POC1B: variants seen among roughly 807,000 people sequenced by gnomAD.
POC1B encodes POC1 centriolar protein homolog B.
Under a neutral mutation model 60.6 loss-of-function variants are expected in POC1B, and 44 were observed. The observed-to-expected ratio is 0.73, with a 90% CI of 0.57 to 0.93. The LOEUF (loss-of-function observed/expected upper bound fraction) is 0.93. Ranked by LOEUF, POC1B falls within the 40% of genes least tolerant of loss-of-function variation. POC1B has a pLI of 0.00. For synonymous variants in POC1B, 180 were observed against 198.9 expected, an observed-to-expected ratio of 0.90 and a Z score of 0.80; for missense variants, 555 against 572.3, an observed-to-expected ratio of 0.97 and a Z score of 0.31.
chr12:89,410,694 G>C, the POC1B span, among the ~76,000 whole-genome samples: 1 of 147,456 alleles, frequency 6.8e-6, no homozygotes, highest in Non-Finnish European at 1.5e-5. Flanking sequence ...AAAAAAAAAG[G>C]AAAAAGAAAA....
At chr12:89,508,607 GA>G (rs1456885049) in intron 2 of POC1B, among the ~76,000 whole-genome samples, 3 of 152,042 alleles carry the variant, frequency 2.0e-5, no homozygotes, top group African/African-American at 7.3e-5. Flanking sequence ...TTTCCCTTTG[GA>G]ATTAATTAGT....
intron 3 of POC1B, among the ~76,000 whole-genome samples, chr12:89,494,432 G>C (rs1869140682): frequency 6.6e-6 from 1 of 151,924 alleles, no homozygotes; most frequent in Admixed American, 6.6e-5. Flanking sequence ...TCTCATCCCT[G>C]TACATGCATG....
intron 4 of POC1B, among the ~76,000 whole-genome samples, chr12:89,475,587 G>C (rs1883071371): frequency 6.6e-6 from 1 of 152,050 alleles, no homozygotes; most frequent in Non-Finnish European, 1.5e-5. Context: ...GCTTCTCTTT[G>C]CCTTGACTTT....
the POC1B span, among the ~76,000 whole-genome samples, chr12:89,405,141 T>C: frequency 6.6e-6 from 1 of 152,188 alleles, no homozygotes; most frequent in Non-Finnish European, 1.5e-5. Context: ...AACGCAAGGA[T>C]TGTCAGAACC....
At chr12:89,444,299 CG>C (rs1881666561) in intron 10 of POC1B, among the ~76,000 whole-genome samples, 1 of 151,950 alleles carries the variant, frequency 6.6e-6, no homozygotes, top group East Asian at 1.9e-4. Flanking sequence ...AGAGACACAA[CG>C]AAAAAAGAAT....
intron 4 of POC1B, among the ~76,000 whole-genome samples, chr12:89,479,327 C>T (rs543259251): frequency 2.6e-5 from 4 of 152,088 alleles, no homozygotes; most frequent in East Asian, 1.9e-4. Flanking sequence ...TTGGAAAAAT[C>T]GGTTATTTCT....
At chr12:89,446,159 C>A (rs1881777112) in intron 10 of POC1B, among the ~76,000 whole-genome samples, 1 of 152,118 alleles carries the variant, frequency 6.6e-6, no homozygotes, top group Non-Finnish European at 1.5e-5. Flanking sequence ...GTTGGTGGGA[C>A]TGTAAACTAG....
chr12:89,524,669 C>T (rs1871260032), intron 2 of POC1B: 2 of 1,077,116 alleles, frequency 1.9e-6, no homozygotes, highest in African/African-American at 1.6e-5. Context: ...CATGCAGGCG[C>T]TAGGCTCCTT....
At chr12:89,433,148 C>G (rs1432092648) in intron 10 of POC1B, among the ~76,000 whole-genome samples, 5 of 152,146 alleles carry the variant, frequency 3.3e-5, no homozygotes, top group Non-Finnish European at 7.4e-5. Context: ...GAAATAAAGA[C>G]AGTGAATCTA....
At chr12:89,523,438 G>A (rs1393716465) in intron 2 of POC1B, 8 of 1,613,966 alleles carry the variant, frequency 5.0e-6, no homozygotes, top group African/African-American at 1.3e-5. Flanking sequence ...ATTGGGGCGA[G>A]CATATGGTGC....
intron 2 of POC1B, among the ~76,000 whole-genome samples, chr12:89,498,548 T>C (rs1869375725): frequency 6.6e-6 from 1 of 152,222 alleles, no homozygotes; most frequent in East Asian, 1.9e-4. Flanking sequence ...GAAACCTATG[T>C]TCTTTTGCCA....
intron 2 of POC1B, among the ~76,000 whole-genome samples, chr12:89,513,500 A>C (rs1015304616): frequency 1.3e-5 from 2 of 152,238 alleles, no homozygotes; most frequent in African/African-American, 4.8e-5. Context: ...TTTCAACAGA[A>C]ACTTCTAAAG....
intron 2 of POC1B, among the ~76,000 whole-genome samples, chr12:89,518,095 T>G (rs1399046441): frequency 2.0e-5 from 3 of 152,084 alleles, no homozygotes; most frequent in African/African-American, 4.8e-5. Context: ...CCTTTTTTTT[T>G]TTTTTTAAAC....
intron 2 of POC1B, among the ~76,000 whole-genome samples, chr12:89,516,775 C>G (rs533440683): frequency 6.6e-6 from 1 of 152,184 alleles, no homozygotes; most frequent in East Asian, 1.9e-4. Context: ...GGGGATATCT[C>G]ATTCCCCACC....
chr12:89,434,760 T>C (rs1881181580), intron 10 of POC1B, among the ~76,000 whole-genome samples: 1 of 152,248 alleles, frequency 6.6e-6, no homozygotes, highest in South Asian at 2.1e-4. Flanking sequence ...ATCCTCATTA[T>C]CTGTTCCATA....
chr12:89,490,764 A>T (rs1294402740), intron 4 of POC1B, among the ~76,000 whole-genome samples: 1 of 152,142 alleles, frequency 6.6e-6, no homozygotes, highest in Non-Finnish European at 1.5e-5. Flanking sequence ...AATAGCATTC[A>T]CCTGCCAAGA....
chr12:89,510,154 C>G (rs1470943115), intron 2 of POC1B, among the ~76,000 whole-genome samples: 1 of 152,090 alleles, frequency 6.6e-6, no homozygotes, highest in Non-Finnish European at 1.5e-5. Context: ...CAGCCTGTTT[C>G]GTTTTTTTAA....
chr12:89,489,072 C>T (rs1168441502), intron 4 of POC1B, among the ~76,000 whole-genome samples: 2 of 152,118 alleles, frequency 1.3e-5, no homozygotes, highest in Admixed American at 1.3e-4. Flanking sequence ...CGTGCGTTAT[C>T]TCCTTAGTTG....
intron 10 of POC1B, among the ~76,000 whole-genome samples, chr12:89,452,822 C>T (rs1882108427): frequency 6.6e-6 from 1 of 151,918 alleles, no homozygotes; most frequent in African/African-American, 2.4e-5. Flanking sequence ...CTTTAACAAA[C>T]TAAAACACTT....
Sources: allele counts gnomAD v4.1 joint callset (sites outside exome capture counted in the v4.1 genomes callset), GRCh38; gene constraint gnomAD v4.1.1; transcripts MANE v1.5; gene names NCBI Gene and HGNC (gene_info 2026-07-23, HGNC 2026-07-21).